CBLB: variants seen among roughly 807,000 people sequenced by gnomAD.
CBLB encodes Cbl proto-oncogene B.
Under a neutral mutation model 104.9 loss-of-function variants are expected in CBLB, and 31 were observed. That is an observed-to-expected ratio of 0.30 (90% CI 0.22 to 0.40). CBLB has a LOEUF of 0.40. CBLB is among the 10% of genes least tolerant of loss of function. CBLB has a pLI of 1.00. For synonymous variants in CBLB, 440 were observed against 422.6 expected (o/e 1.04, Z -0.51); for missense variants, 1,062 against 1,214.6 (o/e 0.87, Z 1.87).
intron 9 of CBLB, among the ~76,000 whole-genome samples, chr3:105,724,394 A>G (rs1176468728): frequency 6.6e-6 from 1 of 152,168 alleles, no homozygotes; most frequent in African/African-American, 2.4e-5. Flanking sequence ...GACATTCTGA[A>G]TTAGGATACT....
intron 3 of CBLB, among the ~76,000 whole-genome samples, chr3:105,787,469 G>A (rs1456540524): frequency 6.6e-6 from 1 of 152,076 alleles, no homozygotes; most frequent in Non-Finnish European, 1.5e-5. Flanking sequence ...TGGTACATAC[G>A]TTCTATGGCC....
intron 3 of CBLB, among the ~76,000 whole-genome samples, chr3:105,815,789 C>T (rs1487096852): frequency 2.6e-5 from 4 of 152,140 alleles, no homozygotes; most frequent in African/African-American, 7.2e-5. Context: ...AGACTTGGAA[C>T]CAACCCAAAT....
chr3:105,763,059 C>T (rs1461783335), intron 4 of CBLB, among the ~76,000 whole-genome samples: 10 of 152,138 alleles, frequency 6.6e-5, no homozygotes, highest in Non-Finnish European at 8.8e-5. Context: ...TTGACTGGCC[C>T]GCTGGATTTC....
chr3:105,669,086 A>G (rs1176862993), intron 18 of CBLB, among the ~76,000 whole-genome samples: 1 of 151,772 alleles, frequency 6.6e-6, no homozygotes, highest in Non-Finnish European at 1.5e-5. Context: ...CCATCCATCC[A>G]TCCATCCATC....
rs182263276 is a variant in CBLB, at chr3:105,778,406, C to T, written c.420-1864G>A. On this transcript the variant is annotated intron_variant, in intron 3 of 18. Coordinates refer to ENST00000394030, the MANE Select transcript of CBLB (RefSeq NM_170662.5). ...ACCTGACAATAAAATCATTGGATGACACTCTTTCTAATTTACAAAGGAGAT... is the reference window on the plus strand; with the variant it reads ...ACCTGACAATAAAATCATTGGATGATACTCTTTCTAATTTACAAAGGAGAT... Among the ~76,000 whole-genome samples, 820 of 152,210 alleles carry T rather than the reference C, an allele frequency of 5.4e-3. 8 individuals carry two copies. Among genetic ancestry groups the T allele is most frequent in the African/African-American group, 0.019 (773 of 41,526 alleles).
chr3:105,835,314 AATG>A (rs1447927353), intron 3 of CBLB, among the ~76,000 whole-genome samples: 19 of 152,328 alleles, frequency 1.2e-4, no homozygotes, highest in African/African-American at 4.3e-4. Flanking sequence ...CTGGATGTTG[AATG>A]ATGTGTAAAA....
intron 2 of CBLB, among the ~76,000 whole-genome samples, chr3:105,865,694 T>C (rs1312056564): frequency 6.6e-6 from 1 of 152,220 alleles, no homozygotes; most frequent in African/African-American, 2.4e-5. Flanking sequence ...ATAGTAACTA[T>C]AGCTCACCAC....
intron 3 of CBLB, among the ~76,000 whole-genome samples, chr3:105,812,429 C>T (rs2084429431): frequency 6.6e-6 from 1 of 152,128 alleles, no homozygotes; most frequent in Non-Finnish European, 1.5e-5. Flanking sequence ...AAAGTAACAC[C>T]ACAACTGTGC....
At position 105,723,345 on chromosome 3, in the gene CBLB, G is replaced by A. The variant is rs116717308; in HGVS notation, c.1204-3095C>T. Among the ~76,000 whole-genome samples, 1,176 of 152,242 alleles carry A rather than the reference G, an allele frequency of 7.7e-3. 7 individuals carry two copies. Among genetic ancestry groups the A allele is most frequent in the Non-Finnish European group, 0.013 (895 of 67,976 alleles). The stretch of plus-strand genomic sequence containing the variant: ...CTCATTTTCTAGTTTCCACCATTCT[G>A]TGAATGTTAAGAGGAAGTACTGAGG... On this transcript the variant is annotated intron_variant, in intron 9 of 18. Transcript: ENST00000394030.
chr3:105,770,323 A>G (rs2078721735), intron 4 of CBLB, among the ~76,000 whole-genome samples: 1 of 152,192 alleles, frequency 6.6e-6, no homozygotes, highest in South Asian at 2.1e-4. Context: ...TCTGCCTCCA[A>G]GTACACATCC....
At chr3:105,711,158 T>C (rs1559915857) in intron 10 of CBLB, among the ~76,000 whole-genome samples, 3 of 151,990 alleles carry the variant, frequency 2.0e-5, no homozygotes, top group Admixed American at 6.6e-5. Context: ...ACTAATAAGA[T>C]GAGAGTTCTG....
intron 4 of CBLB, among the ~76,000 whole-genome samples, chr3:105,771,936 A>G (rs1331422742): frequency 6.6e-6 from 1 of 151,874 alleles, no homozygotes; most frequent in African/African-American, 2.4e-5. Flanking sequence ...GGGAAGAATA[A>G]AATGACCACA....
chr3:105,842,961 T>C (rs919509287), intron 3 of CBLB, among the ~76,000 whole-genome samples: 18 of 152,230 alleles, frequency 1.2e-4, no homozygotes, highest in Admixed American at 3.3e-4. Context: ...AAAAATTAGA[T>C]AGGTACTTTA....
Position 105,678,559 on chromosome 3 carries a change from A to T in CBLB, c.2441T>A (p.Phe814Tyr). The T allele has an allele frequency of 6.2e-7, 1 of 1,613,220 alleles. No homozygotes were observed. The highest frequency in any genetic ancestry group is 8.5e-7 in the Non-Finnish European group (1 of 1,179,510). Residue 814 changes from phenylalanine to tyrosine, a missense_variant, in exon 17 of 19, where the codon TTT becomes TAT. Coordinates refer to ENST00000394030, the MANE Select transcript of CBLB (RefSeq NM_170662.5). ...LLIPPLGEDA[F>Y]DALPPSLPPP... is the part of the protein sequence containing the mutation. ...TGGGAGAGATGGAGGGAGGGCATCA[A>T]AAGCATCTTCACCTGCATTTAAAGA...
intron 13 of CBLB, among the ~76,000 whole-genome samples, chr3:105,693,248 G>A (rs117448411): frequency 3.9e-5 from 6 of 152,160 alleles, no homozygotes; most frequent in South Asian, 2.1e-4. Flanking sequence ...CAAGGAATGC[G>A]TAGCTTTCTC....
At chr3:105,811,264 C>T (rs1393231022) in intron 3 of CBLB, among the ~76,000 whole-genome samples, 2 of 152,146 alleles carry the variant, frequency 1.3e-5, no homozygotes, top group Non-Finnish European at 2.9e-5. Context: ...TAGTTAGTAT[C>T]TTTCAATATT....
intron 4 of CBLB, among the ~76,000 whole-genome samples, chr3:105,770,712 T>G (rs1354047123): frequency 2.0e-5 from 3 of 152,108 alleles, no homozygotes; most frequent in Non-Finnish European, 4.4e-5. Context: ...TTGAAAGCCA[T>G]GGCAGCTTTC....
At position 105,662,761 on chromosome 3, in the gene CBLB, T is replaced by A. The variant is rs1017395841; in HGVS notation, c.2690-3532A>T. On this transcript the variant is annotated intron_variant, in intron 18 of 18. Transcript: ENST00000394030. ...GTCCCAGCCCTTGTGTTGTTCACTG[T>A]CAACTCTTCTTTGAGAAAGAAAGAT... Among the ~76,000 whole-genome samples the A allele has an allele frequency of 3.3e-5, 5 of 152,338 alleles. No homozygotes were observed. In the East Asian group the frequency reaches 9.6e-4, roughly 29 times the overall value.
chr3:105,750,927 T>G (rs2076540129), intron 5 of CBLB, among the ~76,000 whole-genome samples: 1 of 152,230 alleles, frequency 6.6e-6, no homozygotes, highest in Admixed American at 6.5e-5. Flanking sequence ...GAATATTTAT[T>G]GACTTTGAAA....
Sources: allele counts gnomAD v4.1 joint callset (sites outside exome capture counted in the v4.1 genomes callset), GRCh38; gene constraint gnomAD v4.1.1; transcripts MANE v1.5; gene names NCBI Gene and HGNC (gene_info 2026-07-23, HGNC 2026-07-21).